Variants in ARID1B observed in about 807,000 individuals in gnomAD.
The protein encoded by ARID1B is AT-rich interactive domain-containing protein 1B.
A neutral mutation model predicts 212.3 loss-of-function variants in ARID1B; 30 were observed. That is an observed-to-expected ratio of 0.14 (90% CI 0.11 to 0.19). The LOEUF (loss-of-function observed/expected upper bound fraction) is 0.19. Ranked by LOEUF, ARID1B falls within the 10% of genes least tolerant of loss-of-function variation. The pLI is 1.00. For missense variants in ARID1B, 2,891 were observed against 3,204.0 expected (o/e 0.90, Z 2.36); for synonymous variants, 1,402 against 1,301.7 (o/e 1.08, Z -1.66).
chr6:157,148,729 G>A lies in ARID1B; in HGVS notation c.2867G>A (p.Gly956Glu), dbSNP rs1389819800. The change falls in exon 8 of 20, where the codon GGG becomes GAG. Residue 956 changes from glycine to glutamate, a missense_variant. Around this residue, in one of 7 missense-constraint regions of ARID1B, gnomAD observed 1,643 missense variants for 1,544.0 expected, o/e 1.06. Transcript: ENST00000636930. The surrounding 1 kb of genome is among the most constrained non-coding windows in gnomAD (Gnocchi z 5.6). ...GCCAACAACCAGATGCATGGACAAG[G>A]GCCAAGCCAGCCATGTGGTGCTGTG... ...ISANNQMHGQGPSQPCGAVPL... is the reference protein window; with the variant it reads ...ISANNQMHGQEPSQPCGAVPL... 1 of 1,613,032 alleles carries A rather than the reference G, an allele frequency of 6.2e-7. No homozygotes were observed.
chr6:156,912,238 A>G (rs1278462878), intron 3 of ARID1B, among the ~76,000 whole-genome samples: 1 of 150,490 alleles, frequency 6.6e-6, no homozygotes, highest in African/African-American at 2.4e-5. Context: ...ACTAAATGAA[A>G]CAGTGAATCA....
chr6:156,916,658 G>C (rs1562483076), intron 3 of ARID1B, among the ~76,000 whole-genome samples: 1 of 152,072 alleles, frequency 6.6e-6, no homozygotes, highest in Non-Finnish European at 1.5e-5. Flanking sequence ...GTCAGGTCTC[G>C]ATGCATCACA....
chr6:157,043,475 G>C (rs1383216963), intron 4 of ARID1B, among the ~76,000 whole-genome samples: 4 of 152,080 alleles, frequency 2.6e-5, no homozygotes, highest in African/African-American at 9.7e-5. Flanking sequence ...GCGTGATATG[G>C]CCTAGCCCAA....
intron 3 of ARID1B, among the ~76,000 whole-genome samples, chr6:156,928,485 G>A (rs1165581083): frequency 1.3e-5 from 2 of 152,154 alleles, no homozygotes; most frequent in African/African-American, 4.8e-5. Flanking sequence ...TCATTTGGGA[G>A]AGTCATTTCT....
At chr6:156,887,719 A>G (rs1276031950) in intron 2 of ARID1B, among the ~76,000 whole-genome samples, 1 of 152,178 alleles carries the variant, frequency 6.6e-6, no homozygotes, top group Non-Finnish European at 1.5e-5. Flanking sequence ...TCGTGGTAAC[A>G]ATGCAACCGC....
At chr6:156,813,520 A>AT (rs1781760873) in intron 1 of ARID1B, among the ~76,000 whole-genome samples, 1 of 152,064 alleles carries the variant, frequency 6.6e-6, no homozygotes, top group South Asian at 2.1e-4. Context: ...ACAATTTCTG[A>AT]TATACTGTAG....
intron 7 of ARID1B, among the ~76,000 whole-genome samples, chr6:157,141,658 C>T (rs946663119): frequency 2.6e-5 from 4 of 152,250 alleles, no homozygotes; most frequent in South Asian, 4.1e-4. Flanking sequence ...AAAGATCTTA[C>T]TTAAATATGA....
At chr6:156,951,589 G>A (rs759581026) in intron 4 of ARID1B, among the ~76,000 whole-genome samples, 1 of 151,716 alleles carries the variant, frequency 6.6e-6, no homozygotes, top group Non-Finnish European at 1.5e-5. Flanking sequence ...GACTACAGGC[G>A]CCCGCCACCA....
At chr6:157,163,908 G>T (rs1791131027) in intron 8 of ARID1B, among the ~76,000 whole-genome samples, 1 of 152,224 alleles carries the variant, frequency 6.6e-6, no homozygotes. Context: ...CTGATAGTAG[G>T]TTTGGGGAAT....
At chr6:157,022,085 C>CAGACG (rs1780336555) in intron 4 of ARID1B, among the ~76,000 whole-genome samples, 1 of 152,140 alleles carries the variant, frequency 6.6e-6, no homozygotes, top group African/African-American at 2.4e-5. Context: ...CCAGGAACTA[C>CAGACG]AGACGAAGGA....
At chr6:156,924,243 GT>G (rs895504458) in intron 3 of ARID1B, among the ~76,000 whole-genome samples, 1 of 152,198 alleles carries the variant, frequency 6.6e-6, no homozygotes, top group African/African-American at 2.4e-5. Context: ...ACTGAACTCT[GT>G]GCATACTATG....
rs1778857696 is a variant in ARID1B, at chr6:156,778,505, G to C, written c.825G>C (p.Met275Ile). ...ACGAGGACGACGCGCCGCCCAAGAT[G>C]GGGGAGCCGGCGGGCGGCCGCTACG... Reference protein sequence around the residue: ...PGDEDDAPPKMGEPAGGRYEH... With the variant: ...PGDEDDAPPKIGEPAGGRYEH... Residue 275 changes from methionine (M) to isoleucine (I), a missense_variant, in exon 1 of 20, where the codon ATG (methionine) becomes ATC (isoleucine). Coordinates refer to ENST00000636930, the MANE Select transcript of ARID1B (RefSeq NM_001374828.1). The C allele has an allele frequency of 8.0e-7, 1 of 1,245,306 alleles. No homozygotes were observed. Among genetic ancestry groups the C allele is most frequent in the South Asian group, 3.5e-5 (1 of 28,236 alleles). 77.1% of individuals were successfully genotyped at this position (1,245,306 alleles called of 1,614,324 possible).
intron 4 of ARID1B, among the ~76,000 whole-genome samples, chr6:157,016,742 G>A (rs984909748): frequency 3.9e-5 from 6 of 152,186 alleles, no homozygotes; most frequent in Admixed American, 2.6e-4. Context: ...GAATACTTGG[G>A]TAAATAATGA....
Position 157,181,100 on chromosome 6 carries a change from T to G in ARID1B, c.3636T>G (p.Ser1212Arg). Residue 1212 changes from serine (S) to arginine (R), a missense_variant, in exon 12 of 20, where the codon AGT becomes AGG. Coordinates refer to ENST00000636930, the MANE Select transcript of ARID1B (RefSeq NM_001374828.1). ...FMEERGSPVSSLPAVGKKPLD... is the reference protein window; with the variant it reads ...FMEERGSPVSRLPAVGKKPLD... ...AAGAGAGAGGCTCTCCTGTCTCAAG[T>G]CTGCCTGCCGTGGGCAAGAAGCCCC... The G allele has an allele frequency of 6.2e-7, 1 of 1,614,198 alleles. No homozygotes were observed. Among genetic ancestry groups the G allele is most frequent in the African/African-American group, 1.3e-5 (1 of 75,046 alleles).
intron 9 of ARID1B, chr6:157,168,013 G>C (rs147274492): frequency 0.028 from 4,324 of 152,344 alleles, 81 homozygotes; most frequent in Non-Finnish European, 0.043. Flanking sequence ...GCAGGGCGTG[G>C]CTTAGCCAGT....
chr6:156,813,157 G>A (rs1781729626), intron 1 of ARID1B, among the ~76,000 whole-genome samples: 1 of 148,254 alleles, frequency 6.7e-6, no homozygotes, highest in Admixed American at 6.7e-5. Flanking sequence ...AGGCTGGAGT[G>A]CAGTGACACC....
rs146595793 is a variant in ARID1B at position 157,021,958 on chromosome 6, TC to T, written c.2248-62700del. 3.1e-3 allele frequency among the ~76,000 whole-genome samples: 471 copies of T among 152,266 alleles called. 3 individuals carry two copies. Among genetic ancestry groups the T allele is most frequent in the African/African-American group, 0.01 (432 of 41,566 alleles). The stretch of plus-strand genomic sequence containing the variant: ...CGCCCAGCGCTTAAGGTTTTATTTT[TC>T]CCCTACTTCCTTTGGTGCATCTCTT... On this transcript the variant is annotated intron_variant, in intron 4 of 19. Transcript: ENST00000636930.
intron 9 of ARID1B, chr6:157,169,804 C>T (rs968592562): frequency 6.6e-6 from 1 of 152,180 alleles, no homozygotes; most frequent in Non-Finnish European, 1.5e-5. Context: ...AAATGTAGGG[C>T]ATTTCTCCTA....
intron 1 of ARID1B, among the ~76,000 whole-genome samples, chr6:156,790,647 G>A (rs1779946664): frequency 6.6e-6 from 1 of 152,216 alleles, no homozygotes; most frequent in Non-Finnish European, 1.5e-5. Flanking sequence ...TTTGCTGGGT[G>A]TGGAAATCAT....
Sources: allele counts gnomAD v4.1 joint callset (sites outside exome capture counted in the v4.1 genomes callset), GRCh38; gene constraint gnomAD v4.1.1; regional missense constraint gnomAD v4.1.1; non-coding constraint Gnocchi (gnomAD v3.1); transcripts MANE v1.5; gene names NCBI Gene and HGNC (gene_info 2026-07-23, HGNC 2026-07-21).